Variants in MGMT observed in about 807,000 individuals in gnomAD.
The protein encoded by MGMT is O-6-methylguanine-DNA methyltransferase, also known as methylated-DNA--protein-cysteine methyltransferase.
In MGMT, 14 loss-of-function variants were observed where a neutral mutation model predicts 15.9. The ratio of observed to expected loss-of-function variants is 0.88; its 90% CI spans 0.58 to 1.37. MGMT has a LOEUF of 1.37. Among genes scored for constraint, MGMT ranks in the 40% most tolerant of loss-of-function variants. The probability of loss-of-function intolerance (pLI) is 0.00; values close to 1 mark genes in which losing one functional copy is unlikely to be tolerated. For missense variants in MGMT, 282 were observed against 268.1 expected, an observed-to-expected ratio of 1.05 and a Z score of -0.36; for synonymous variants, 130 against 118.2, an observed-to-expected ratio of 1.10 and a Z score of -0.65.
intron 2 of MGMT, among the ~76,000 whole-genome samples, chr10:129,678,469 G>A (rs1305487947): frequency 6.6e-6 from 1 of 152,158 alleles, no homozygotes; most frequent in Non-Finnish European, 1.5e-5. Context: ...TTGTGTAGCT[G>A]CTTCTGCCTC....
At chr10:129,705,481 T>C (rs1848150358) in intron 2 of MGMT, among the ~76,000 whole-genome samples, 1 of 152,246 alleles carries the variant, frequency 6.6e-6, no homozygotes, top group African/African-American at 2.4e-5. Flanking sequence ...TATTTCCGCT[T>C]TAACTGCATA....
intron 1 of MGMT, among the ~76,000 whole-genome samples, chr10:129,507,084 G>A (rs1011872547): frequency 2.6e-5 from 4 of 152,184 alleles, no homozygotes; most frequent in African/African-American, 9.7e-5. Flanking sequence ...TGCTTTGCCA[G>A]GCTACAGTGG....
chr10:129,709,415 G>A (rs1167548220), intron 3 of MGMT, among the ~76,000 whole-genome samples: 1 of 152,196 alleles, frequency 6.6e-6, no homozygotes, highest in African/African-American at 2.4e-5. Flanking sequence ...AAGGAAGTCA[G>A]AGATTGGTTT....
Position 129,583,855 on chromosome 10 carries a change from T to G in MGMT, c.125+47478T>G, listed in dbSNP as rs190579323. Among the ~76,000 whole-genome samples the G allele has an allele frequency of 6.6e-5, 10 of 152,278 alleles. No homozygotes were observed. In the East Asian group the frequency reaches 1.7e-3, roughly 26 times the overall value. On this transcript the variant is annotated intron_variant, in intron 2 of 4. Coordinates refer to ENST00000651593, the MANE Select transcript of MGMT (RefSeq NM_002412.5). ...GACCAAGTCTTGACTTTCGTTTTGT[T>G]TTTTTTGGTGGAGCTGGGAGGAGAC...
At chr10:129,695,136 G>A (rs939960496) in intron 2 of MGMT, among the ~76,000 whole-genome samples, 18 of 152,016 alleles carry the variant, frequency 1.2e-4, no homozygotes, top group African/African-American at 4.1e-4. Flanking sequence ...GATTTTTTTG[G>A]CCACTGATGG....
At chr10:129,476,259 C>A (rs754062862) in intron 1 of MGMT, among the ~76,000 whole-genome samples, 1 of 152,202 alleles carries the variant, frequency 6.6e-6, no homozygotes, top group Non-Finnish European at 1.5e-5. Context: ...ACATGGCCCC[C>A]GCTGTCCTTG....
intron 2 of MGMT, among the ~76,000 whole-genome samples, chr10:129,691,002 G>T (rs1847963365): frequency 6.6e-6 from 1 of 152,226 alleles, no homozygotes; most frequent in Non-Finnish European, 1.5e-5. Flanking sequence ...GGCCAGTTTA[G>T]AGGCTCTGGA....
chr10:129,700,909 C>T (rs1848091117), intron 2 of MGMT: 1 of 152,174 alleles, frequency 6.6e-6, no homozygotes, highest in Admixed American at 6.5e-5. Flanking sequence ...CTCCATGCAG[C>T]GTGGATAATC....
chr10:129,572,789 G>C (rs1367177878), intron 2 of MGMT, among the ~76,000 whole-genome samples: 1 of 152,196 alleles, frequency 6.6e-6, no homozygotes, highest in Non-Finnish European at 1.5e-5. Context: ...GATTCAGACA[G>C]CTCTGTTTTT....
At chr10:129,753,683 GT>G (rs1393477091) in intron 3 of MGMT, among the ~76,000 whole-genome samples, 1 of 151,968 alleles carries the variant, frequency 6.6e-6, no homozygotes, top group Non-Finnish European at 1.5e-5. Flanking sequence ...TTCTATTTGT[GT>G]TTTTTCATTT....
chr10:129,526,171 G>T (rs1197968813), intron 1 of MGMT, among the ~76,000 whole-genome samples: 6 of 152,322 alleles, frequency 3.9e-5, no homozygotes, highest in African/African-American at 1.4e-4. Flanking sequence ...ACACCACGTG[G>T]CCAGGTTTAT....
In MGMT at chr10:129,769,399, CA is replaced by C. The variant is rs146124597; in HGVS notation, c.*2406del. ...GGGAGAGGGAAGGCACAAAGAAATA[CA>C]AAACTATTTTCCAAATAAAAAGAAA... is the stretch of plus-strand genomic sequence containing the variant. On this transcript the variant is annotated 3_prime_UTR_variant, in exon 5 of 5. Transcript: ENST00000651593. 238 of 152,338 alleles carry C rather than the reference CA, an allele frequency of 1.6e-3. 3 individuals are homozygous for C. Among genetic ancestry groups the C allele is most frequent in the African/African-American group, 5.5e-3 (227 of 41,560 alleles). 9.4% of individuals were successfully genotyped at this position (152,338 alleles called of 1,614,324 possible).
At chr10:129,519,968 A>G (rs1317092997) in intron 1 of MGMT, among the ~76,000 whole-genome samples, 1 of 152,160 alleles carries the variant, frequency 6.6e-6, no homozygotes, top group African/African-American at 2.4e-5. Flanking sequence ...CAGAAGTTTG[A>G]GTTCAGCCTG....
At chr10:129,526,430 C>T (rs542461033) in intron 1 of MGMT, among the ~76,000 whole-genome samples, 2 of 152,204 alleles carry the variant, frequency 1.3e-5, no homozygotes, top group South Asian at 2.1e-4. Flanking sequence ...CCAATCTCCC[C>T]CTTCACACAG....
intron 2 of MGMT, among the ~76,000 whole-genome samples, chr10:129,619,423 A>G (rs1195121585): frequency 6.6e-6 from 1 of 152,150 alleles, no homozygotes; most frequent in East Asian, 1.9e-4. Flanking sequence ...TATATTTGCT[A>G]ATATTTTACG....
intron 1 of MGMT, among the ~76,000 whole-genome samples, chr10:129,506,316 G>C (rs1051120638): frequency 6.6e-6 from 1 of 152,092 alleles, no homozygotes; most frequent in Admixed American, 6.5e-5. Context: ...GGATTTCCCT[G>C]CCTACCCTCG....
chr10:129,534,910 G>A (rs1291665192), intron 1 of MGMT, among the ~76,000 whole-genome samples: 1 of 152,124 alleles, frequency 6.6e-6, no homozygotes, highest in Non-Finnish European at 1.5e-5. Flanking sequence ...AGTGTTCTGC[G>A]CTTGCAGGGC....
chr10:129,544,396 C>T (rs887522820), intron 2 of MGMT, among the ~76,000 whole-genome samples: 25 of 152,346 alleles, frequency 1.6e-4, no homozygotes, highest in South Asian at 8.3e-4. Context: ...CTTCAGACTG[C>T]GGCTTTCACC....
intron 2 of MGMT, among the ~76,000 whole-genome samples, chr10:129,621,081 C>T (rs1847085575): frequency 1.3e-5 from 2 of 152,132 alleles, no homozygotes; most frequent in Admixed American, 1.3e-4. Context: ...TGACATGTGA[C>T]TCGGGCAACT....
Sources: gnomAD v4.1 joint callset for allele counts (sites outside exome capture counted in the v4.1 genomes callset) on GRCh38, gnomAD v4.1.1 for gene constraint, MANE v1.5 for transcripts, NCBI Gene and HGNC (gene_info 2026-07-23, HGNC 2026-07-21) for gene names.